The following TMEM91 variants were observed in gnomAD, a reference collection of about 807,000 sequenced individuals.
TMEM91 encodes the protein dispanin subfamily C member 3.
In TMEM91, 6 loss-of-function variants were observed where a neutral mutation model predicts 13.3. The observed-to-expected ratio is 0.45, with a 90% CI of 0.25 to 0.89. The LOEUF is 0.89. Among genes scored for constraint, TMEM91 ranks in the 40% least tolerant of loss-of-function variants. TMEM91 has a pLI of 0.19. For missense variants in TMEM91, 193 were observed against 228.7 expected, an observed-to-expected ratio of 0.84 and a Z score of 1.01; for synonymous variants, 87 against 101.7, an observed-to-expected ratio of 0.86 and a Z score of 0.87.
chr19:41,365,170 G>C (rs1429877514), intron 1 of TMEM91, among the ~76,000 whole-genome samples: 1 of 151,892 alleles, frequency 6.6e-6, no homozygotes, highest in African/African-American at 2.4e-5. Flanking sequence ...ACAGGCGTGA[G>C]CCACCCAGCC....
intron 1 of TMEM91, among the ~76,000 whole-genome samples, chr19:41,368,424 T>TGG (rs1335714630): frequency 0.054 from 7,383 of 136,132 alleles, 528 homozygotes; most frequent in African/African-American, 0.16. Flanking sequence ...CACCTTTTTT[T>TGG]TGGGGGGGGT....
chr19:41,372,725 G>C (rs1369875577), upstream of TMEM91, among the ~76,000 whole-genome samples: 1 of 152,056 alleles, frequency 6.6e-6, no homozygotes, highest in Non-Finnish European at 1.5e-5. Flanking sequence ...AATTTGTCCT[G>C]TTAATGGTGA....
In TMEM91 at chr19:41,378,297, T is replaced by C. The variant is rs2038775746; in HGVS notation, c.-13T>C. The C allele has an allele frequency of 1.2e-6, 2 of 1,607,698 alleles. 1 individual carries two copies. The highest frequency in any genetic ancestry group is 4.5e-5 in the East Asian group (2 of 44,694). On this transcript the variant is annotated 5_prime_UTR_variant, in exon 2 of 4. Coordinates refer to ENST00000392002, the MANE Select transcript of TMEM91 (RefSeq NM_001098821.2). ...TACCCCTAGGAAACCCCTCCTGGAGTTTCCCCAAAGCCATGGACAGCCCTA... is the reference window on the plus strand; with the variant it reads ...TACCCCTAGGAAACCCCTCCTGGAGCTTCCCCAAAGCCATGGACAGCCCTA...
At chr19:41,379,658 C>G (rs2038828485) in intron 2 of TMEM91, among the ~76,000 whole-genome samples, 1 of 149,608 alleles carries the variant, frequency 6.7e-6, no homozygotes, top group African/African-American at 2.5e-5. Flanking sequence ...ATGAAGGAAA[C>G]AAGGAAAGGA....
intron 1 of TMEM91, among the ~76,000 whole-genome samples, chr19:41,367,359 G>A (rs1432826000): frequency 1.3e-5 from 2 of 151,480 alleles, no homozygotes; most frequent in Admixed American, 6.6e-5. Context: ...GGGGCTGGGC[G>A]CGGTGGCTCA....
chr19:41,380,745 C>T (rs999121641), intron 2 of TMEM91, among the ~76,000 whole-genome samples: 1 of 151,762 alleles, frequency 6.6e-6, no homozygotes, highest in African/African-American at 2.4e-5. Flanking sequence ...CCAGTTTCTA[C>T]TAAAGAAAAA....
At chr19:41,379,034 A>G (rs2123190608) in intron 2 of TMEM91, among the ~76,000 whole-genome samples, 1 of 149,306 alleles carries the variant, frequency 6.7e-6, no homozygotes, top group Non-Finnish European at 1.5e-5. Flanking sequence ...AGGTTTTGTC[A>G]TGTTGCCCAG....
chr19:41,364,009 T>G, upstream of TMEM91: 1 of 200,324 alleles, frequency 5.0e-6, no homozygotes, highest in Non-Finnish European at 1.1e-5. Flanking sequence ...GGGGTTGTAG[T>G]TCATGGGCTT....
intron 2 of TMEM91, among the ~76,000 whole-genome samples, chr19:41,381,101 A>G (rs1018577061): frequency 7.1e-5 from 10 of 139,900 alleles, no homozygotes; most frequent in African/African-American, 2.4e-4. Context: ...AAAAAAAAAA[A>G]GCTTAAAAAT....
In TMEM91 at chr19:41,379,036, G is replaced by A. The variant is rs568169668; in HGVS notation, c.210+517G>A. Among the ~76,000 whole-genome samples, 22 of 150,976 alleles carry A rather than the reference G, an allele frequency of 1.5e-4. No homozygotes were observed. In the East Asian group the frequency reaches 4.1e-3, roughly 28 times the overall value. On this transcript the variant is annotated intron_variant, in intron 2 of 3. Transcript: ENST00000392002. The stretch of plus-strand genomic sequence containing the variant: ...TTTTGTAGAGAAGAGGTTTTGTCAT[G>A]TTGCCCAGGCTGGTCTCAAACTCCT...
intron 1 of TMEM91, among the ~76,000 whole-genome samples, chr19:41,371,311 CTCCTTCCTTCCTTCCTTCCTTCCTTCCT>C (rs34140170): frequency 1.3e-4 from 14 of 111,914 alleles, no homozygotes; most frequent in African/African-American, 4.6e-4. Flanking sequence ...CCACTATCCT[CTCCTTCCTTCCTTCCTTCCTTCCTTCCT>C]TCCTTCCTTC....
intron 1 of TMEM91, among the ~76,000 whole-genome samples, chr19:41,367,222 T>TA (rs1398465505): frequency 6.6e-6 from 1 of 152,252 alleles, no homozygotes; most frequent in African/African-American, 2.4e-5. Flanking sequence ...GTACATATGT[T>TA]ACAACAGTTT....
chr19:41,372,587 A>G (rs781176399), upstream of TMEM91, among the ~76,000 whole-genome samples: 1 of 152,128 alleles, frequency 6.6e-6, no homozygotes, highest in Non-Finnish European at 1.5e-5. Context: ...CCTCCTTTGT[A>G]GAGTGTCCCT....
chr19:41,374,596 G>C (rs929020378), upstream of TMEM91, among the ~76,000 whole-genome samples: 7 of 152,130 alleles, frequency 4.6e-5, no homozygotes, highest in African/African-American at 1.7e-4. Flanking sequence ...TCACATAAGA[G>C]GCAAGGAGCA....
chr19:41,372,001 G>A (rs767004261), upstream of TMEM91, among the ~76,000 whole-genome samples: 12 of 151,850 alleles, frequency 7.9e-5, no homozygotes, highest in Non-Finnish European at 1.5e-5. Context: ...TAGGACTACA[G>A]GTGTGTGCCA....
chr19:41,377,194 G>A (rs2038741061), intron 1 of TMEM91: 1 of 153,728 alleles, frequency 6.5e-6, no homozygotes, highest in African/African-American at 2.4e-5. Context: ...TGATGAGTGG[G>A]GCAGGCATGC....
rs549628014 is a variant in TMEM91, at chr19:41,368,885, C to T, written c.-30+4790C>T. Among the ~76,000 whole-genome samples, 5 of 151,962 alleles carry T rather than the reference C, an allele frequency of 3.3e-5. No homozygotes were observed. In the South Asian group the frequency reaches 8.4e-4, roughly 25 times the overall value. On this transcript the variant is annotated intron_variant, in intron 1 of 3. Coordinates refer to the TMEM91 transcript ENST00000413014. The stretch of plus-strand genomic sequence containing the variant: ...ATCCCAGCACTTTGTGAGGCCAAGG[C>T]GGGCAGATTGCTTGAATCCAGGAGT...
chr19:41,378,296 G>C lies in TMEM91; in HGVS notation c.-14G>C. On this transcript the variant is annotated 5_prime_UTR_variant, in exon 2 of 4. Coordinates refer to ENST00000392002, the MANE Select transcript of TMEM91 (RefSeq NM_001098821.2). ...CTACCCCTAGGAAACCCCTCCTGGAGTTTCCCCAAAGCCATGGACAGCCCT... is the reference window on the plus strand; with the variant it reads ...CTACCCCTAGGAAACCCCTCCTGGACTTTCCCCAAAGCCATGGACAGCCCT... 2 of 1,608,796 alleles carry C rather than the reference G, an allele frequency of 1.2e-6. No individual in the cohort carries two copies. The highest frequency in any genetic ancestry group is 1.7e-6 in the Non-Finnish European group (2 of 1,175,986).
chr19:41,379,980 C>T (rs995205145), intron 2 of TMEM91, among the ~76,000 whole-genome samples: 5 of 150,832 alleles, frequency 3.3e-5, no homozygotes, highest in African/African-American at 4.9e-5. Flanking sequence ...CTGCAACCTC[C>T]GCCTCCTGGG....
Sources: allele counts gnomAD v4.1 joint callset (sites outside exome capture counted in the v4.1 genomes callset), GRCh38; gene constraint gnomAD v4.1.1; transcripts MANE v1.5; gene names NCBI Gene and HGNC (gene_info 2026-07-23, HGNC 2026-07-21).